The following TBCD variants were observed in gnomAD, a reference collection of about 807,000 sequenced individuals.
The protein encoded by TBCD is tubulin folding cofactor D.
Under a neutral mutation model 169.3 loss-of-function variants are expected in TBCD, and 105 were observed. The ratio of observed to expected loss-of-function variants is 0.62; its 90% confidence interval spans 0.53 to 0.73. The LOEUF (loss-of-function observed/expected upper bound fraction) is 0.73, where lower values mean the gene tolerates loss of function less well. Ranked by LOEUF, TBCD falls within the 30% of genes least tolerant of loss-of-function variation. The probability of loss-of-function intolerance (pLI) is 0.00; values close to 1 mark genes in which losing one functional copy is unlikely to be tolerated. For missense variants in TBCD, 1,444 were observed against 1,600.1 expected (o/e 0.90, Z 1.66); for synonymous variants, 700 against 643.9 (o/e 1.09, Z -1.32).
rs1598793167 is a variant in TBCD at position 82,832,581 on chromosome 17, G to A, written c.1318+17647G>A. The A allele has an allele frequency of 2.4e-6, 2 of 832,176 alleles. No individual in the cohort carries two copies. The highest frequency in any genetic ancestry group is 4.0e-6 in the Non-Finnish European group (2 of 506,280). 51.5% of individuals were successfully genotyped at this position (832,176 alleles called of 1,614,324 possible). A position where few individuals can be genotyped will look rare whatever the true frequency, so the allele number is the denominator to read the frequency against. On this transcript the variant is annotated intron_variant, in intron 13 of 38. Coordinates refer to ENST00000355528, the MANE Select transcript of TBCD (RefSeq NM_005993.5). The surrounding 1 kb of genome is among the most constrained non-coding windows in gnomAD (Gnocchi z 4.9). The stretch of plus-strand genomic sequence containing the variant: ...TCTTTCCCGATCACTTCTATCAGAA[G>A]CCAGCTCTGCGTGCTGAGGGTCTGG...
intron 1 of TBCD, among the ~76,000 whole-genome samples, chr17:82,753,566 C>T (rs981071543): frequency 6.7e-6 from 1 of 148,442 alleles, no homozygotes; most frequent in Non-Finnish European, 1.5e-5. Flanking sequence ...AAGCTATTCT[C>T]CTGTCTTAGC....
chr17:82,912,472 G>A (rs796221812), intron 23 of TBCD, among the ~76,000 whole-genome samples: 7 of 152,360 alleles, frequency 4.6e-5, no homozygotes, highest in African/African-American at 1.7e-4. Flanking sequence ...GGCAGCAGCC[G>A]ACCCCAAGGT....
rs536716843 is a variant in TBCD at position 82,920,227 on chromosome 17, C to T, written c.2039-329C>T. The stretch of plus-strand genomic sequence containing the variant: ...TAGGAGCAGAAGCCGCTATGCTTCC[C>T]GTACAGCCTGTCACAGGGACGTCTG... On this transcript the variant is annotated intron_variant, in intron 23 of 38. Coordinates refer to ENST00000355528, the MANE Select transcript of TBCD (RefSeq NM_005993.5). The surrounding 1 kb of genome is among the most constrained non-coding windows in gnomAD (Gnocchi z 4.1). Among the ~76,000 whole-genome samples the T allele has an allele frequency of 5.3e-5, 8 of 152,358 alleles. No homozygotes were observed. Among genetic ancestry groups the T allele is most frequent in the South Asian group, 2.1e-4 (1 of 4,826 alleles).
Position 82,832,560 on chromosome 17 carries a change from T to C in TBCD, c.1318+17626T>C, listed in dbSNP as rs1204904546. On this transcript the variant is annotated intron_variant, in intron 13 of 38. Coordinates refer to ENST00000355528, the MANE Select transcript of TBCD (RefSeq NM_005993.5). This position sits in a 1 kb window ranked among gnomAD's most constrained non-coding sequence, Gnocchi z 4.9. ...GAGGCACCTCCCGCTTTGCTTTCTT[T>C]CCCGATCACTTCTATCAGAAGCCAG... is the stretch of plus-strand genomic sequence containing the variant. 4.9e-6 allele frequency: 5 copies of C among 1,019,496 alleles called. No homozygotes were observed. The highest frequency in any genetic ancestry group is 2.4e-4 in the Middle Eastern group (1 of 4,166). The allele number at this position is 1,019,496 out of a possible 1,614,324, so 63.2% of individuals were successfully genotyped here.
At chr17:82,876,455 C>T (rs1431234388) in intron 14 of TBCD, among the ~76,000 whole-genome samples, 1 of 152,150 alleles carries the variant, frequency 6.6e-6, no homozygotes, top group Admixed American at 6.5e-5. Flanking sequence ...AACTGAGAGG[C>T]CCACGTGGGA....
intron 17 of TBCD, among the ~76,000 whole-genome samples, chr17:82,896,391 T>A (rs936903077): frequency 6.6e-6 from 1 of 151,756 alleles, no homozygotes; most frequent in Non-Finnish European, 1.5e-5. Context: ...TACACATCTG[T>A]CTTTGGGCCT....
chr17:82,901,615 A>T (rs1162296857), intron 18 of TBCD, among the ~76,000 whole-genome samples: 1 of 142,200 alleles, frequency 7.0e-6, no homozygotes, highest in African/African-American at 2.7e-5. Flanking sequence ...CCAGCTGCCT[A>T]CTGTGGTCCT....
At chr17:82,919,133 G>A (rs955417042) in intron 23 of TBCD, among the ~76,000 whole-genome samples, 1 of 152,128 alleles carries the variant, frequency 6.6e-6, no homozygotes. Context: ...AGTTTACGGG[G>A]GGGGCCCAGA....
chr17:82,830,376 G>C (rs1338526268), intron 13 of TBCD: 3 of 1,612,748 alleles, frequency 1.9e-6, no homozygotes. Context: ...GGATGTTCCT[G>C]GGGCTGTAGG....
At chr17:82,928,921 AG>A (rs2061979258) in intron 30 of TBCD, among the ~76,000 whole-genome samples, 191 bp from the exon 31 acceptor site, 1 of 152,136 alleles carries the variant, frequency 6.6e-6, no homozygotes, top group African/African-American at 2.4e-5. Flanking sequence ...TGGGATGTGA[AG>A]GTAACGGAGT....
intron 12 of TBCD, among the ~76,000 whole-genome samples, chr17:82,813,220 T>TG (rs1350354134): frequency 1.3e-5 from 2 of 152,176 alleles, no homozygotes; most frequent in Admixed American, 6.5e-5. Flanking sequence ...CTGTTCCCCT[T>TG]GCTCTTGATG....
At position 82,846,252 on chromosome 17, in the gene TBCD, CGCTGCGTCCTCTGT is replaced by C. The variant is rs1567878719; in HGVS notation, c.1319-23967_1319-23954del. ...CCAGCCCTCTGCTGCCCCCTCCACGCGCTGCGTCCTCTGTGCTGTGTCCTCTTGTCCAGCCCTCT... is the reference window on the plus strand; with the variant it reads ...CCAGCCCTCTGCTGCCCCCTCCACGCGCTGTGTCCTCTTGTCCAGCCCTCT... On this transcript the variant is annotated intron_variant, in intron 13 of 38. Coordinates refer to ENST00000355528, the MANE Select transcript of TBCD (RefSeq NM_005993.5). Among the ~76,000 whole-genome samples, 857 of 143,988 alleles carry C rather than the reference CGCTGCGTCCTCTGT, an allele frequency of 6.0e-3. 40 individuals carry two copies. The highest frequency in any genetic ancestry group is 8.8e-3 in the Non-Finnish European group (576 of 65,342). 94.5% of individuals were successfully genotyped at this position (143,988 alleles called of 152,430 possible).
intron 7 of TBCD, 136 bp downstream of exon 7, chr17:82,781,857 T>C: frequency 2.2e-6 from 3 of 1,384,988 alleles, no homozygotes; most frequent in Non-Finnish European, 1.9e-6. Context: ...GGCCAGGGTC[T>C]TGGGCAGTTT....
intron 38 of TBCD, 75 bp from the exon 39 acceptor site, chr17:82,942,374 G>A: frequency 6.2e-7 from 1 of 1,603,624 alleles, no homozygotes; most frequent in Non-Finnish European, 8.5e-7. Context: ...AGGGCCCAGA[G>A]GGGTGAGGGT....
At position 82,929,507 on chromosome 17, in the gene TBCD, A is replaced by C. The variant is rs755757820; in HGVS notation, c.2991+7A>C. The C allele has an allele frequency of 6.2e-7, 1 of 1,603,542 alleles. No individual in the cohort carries two copies. Among genetic ancestry groups the C allele is most frequent in the South Asian group, 1.1e-5 (1 of 91,056 alleles). ...CGGCTTGACGGAGTCGACGGTGAGGAGGCGTCGGGCTGGCTGGGGCAGGAG... is the reference window on the plus strand; with the variant it reads ...CGGCTTGACGGAGTCGACGGTGAGGCGGCGTCGGGCTGGCTGGGGCAGGAG... On this transcript the variant is annotated splice_region_variant and intron_variant, in intron 32 of 38. Coordinates refer to ENST00000355528, the MANE Select transcript of TBCD (RefSeq NM_005993.5).
rs116023257 is a variant in TBCD at position 82,923,844 on chromosome 17, C to T, written c.2260+111C>T. On this transcript the variant is annotated intron_variant, in intron 26 of 38. Coordinates refer to ENST00000355528, the MANE Select transcript of TBCD (RefSeq NM_005993.5). The surrounding 1 kb of genome is among the most constrained non-coding windows in gnomAD (Gnocchi z 4.6). ...GTTGTGCAGTGGAGCAGAGCCACCA[C>T]GATCATGGCTGGAGTGGGACTGTTC... 1,466 of 852,752 alleles carry T rather than the reference C, an allele frequency of 1.7e-3. 14 individuals carry two copies. In the African/African-American group the frequency reaches 0.023, roughly 13 times the overall value. 52.8% of individuals were successfully genotyped at this position (852,752 alleles called of 1,614,324 possible). A position where few individuals can be genotyped will look rare whatever the true frequency, so the allele number is the denominator to read the frequency against.
chr17:82,776,517 T>C (rs2048611518), intron 6 of TBCD, among the ~76,000 whole-genome samples: 1 of 152,220 alleles, frequency 6.6e-6, no homozygotes. Context: ...TTATGACTTT[T>C]AATGTGCACA....
chr17:82,865,418 C>T (rs2057098822), intron 13 of TBCD: 12 of 966,384 alleles, frequency 1.2e-5, no homozygotes, highest in Non-Finnish European at 1.5e-5. Flanking sequence ...CAGTGCTCTG[C>T]AGGGGCCTGA....
At chr17:82,778,417 G>A (rs1232729924) in intron 6 of TBCD, among the ~76,000 whole-genome samples, 2 of 152,110 alleles carry the variant, frequency 1.3e-5, no homozygotes, top group Non-Finnish European at 2.9e-5. Context: ...TTGCAGATCC[G>A]CTAAAGTTAA....
Sources: gnomAD v4.1 joint callset for allele counts (sites outside exome capture counted in the v4.1 genomes callset) on GRCh38, gnomAD v4.1.1 for gene constraint, Gnocchi (gnomAD v3.1) non-coding constraint, MANE v1.5 for transcripts, NCBI Gene and HGNC (gene_info 2026-07-23, HGNC 2026-07-21) for gene names.